Variants in PLCH2 observed in about 807,000 individuals in gnomAD.
The protein encoded by PLCH2 is phospholipase C eta 2, also known as 1-phosphatidylinositol 4,5-bisphosphate phosphodiesterase eta-2.
PLCH2 carries 98 observed loss-of-function variants against 134.7 expected under a neutral mutation model. The ratio of observed to expected loss-of-function variants is 0.73; its 90% CI spans 0.62 to 0.86. PLCH2 has a LOEUF of 0.86. Among genes scored for constraint, PLCH2 ranks in the 40% least tolerant of loss-of-function variants. PLCH2 has a pLI of 0.00. For synonymous variants in PLCH2, 974 were observed against 827.5 expected (o/e 1.18, Z -3.04); for missense variants, 1,994 against 1,986.6 (o/e 1.00, Z -0.07).
At chr1:2,452,130 C>T (rs749431195) in intron 2 of PLCH2, among the ~76,000 whole-genome samples, 4 of 152,166 alleles carry the variant, frequency 2.6e-5, no homozygotes, top group Non-Finnish European at 4.4e-5. Flanking sequence ...GCCCCCACTG[C>T]ATTGCTGAGC....
chr1:2,440,719 G>A (rs2100524502), intron 2 of PLCH2, among the ~76,000 whole-genome samples: 1 of 152,138 alleles, frequency 6.6e-6, no homozygotes, highest in Middle Eastern at 3.4e-3. Flanking sequence ...GATCTTGCAT[G>A]CTGCGACCAG....
At chr1:2,501,374 C>T (rs1643216902) in intron 20 of PLCH2, 1 of 152,284 alleles carries the variant, frequency 6.6e-6, no homozygotes, top group Non-Finnish European at 1.5e-5. Context: ...CTCCTGGGCC[C>T]AGCTGTCCAG....
the PLCH2 span, among the ~76,000 whole-genome samples, chr1:2,417,069 T>C: frequency 6.6e-6 from 1 of 152,134 alleles, no homozygotes; most frequent in Non-Finnish European, 1.5e-5. Flanking sequence ...AGAGAGGCCA[T>C]GCCTGGTCCA....
intron 2 of PLCH2, among the ~76,000 whole-genome samples, chr1:2,438,527 C>T (rs571606916): frequency 2.6e-5 from 4 of 152,186 alleles, no homozygotes; most frequent in Admixed American, 2.6e-4. Flanking sequence ...CGACCCTGGC[C>T]TCCATCAGAG....
intron 1 of PLCH2, among the ~76,000 whole-genome samples, chr1:2,427,267 C>T (rs1460777369): frequency 2.0e-5 from 3 of 151,978 alleles, no homozygotes; most frequent in Non-Finnish European, 4.4e-5. Context: ...GCCAGGAGGG[C>T]AGCTGGGGCA....
In PLCH2 at chr1:2,505,266, G is replaced by A. The variant is rs1186231903; in HGVS notation, c.*53G>A. On this transcript the variant is annotated 3_prime_UTR_variant, in exon 22 of 22. Coordinates refer to ENST00000378486, the MANE Select transcript of PLCH2 (RefSeq NM_014638.4). ...CTGGAGGCCCAGGGCAGGGGTGGGC[G>A]TGTTGTTTGCTCAGGAAACAGGGCA... 19 of 1,403,358 alleles carry A rather than the reference G, an allele frequency of 1.4e-5. No homozygotes were observed. The highest frequency in any genetic ancestry group is 1.2e-4 in the East Asian group (5 of 40,152). 86.9% of individuals were successfully genotyped at this position (1,403,358 alleles called of 1,614,324 possible). A position where few individuals can be genotyped will look rare whatever the true frequency, so the allele number is the denominator to read the frequency against.
chr1:2,442,363 G>T (rs1363793878), intron 2 of PLCH2, among the ~76,000 whole-genome samples: 1 of 152,188 alleles, frequency 6.6e-6, no homozygotes, highest in Non-Finnish European at 1.5e-5. Context: ...GGTGGGCAGG[G>T]TCTGCTTTGG....
At chr1:2,499,573 G>C in intron 19 of PLCH2, 68 bp from the exon 20 acceptor site, 10 of 1,189,956 alleles carry the variant, frequency 8.4e-6, no homozygotes, top group Non-Finnish European at 1.2e-5. Flanking sequence ...AAGTAGAATG[G>C]GGGGCAGAGC....
chr1:2,490,704 G>A (rs1370470425), intron 10 of PLCH2, among the ~76,000 whole-genome samples: 1 of 152,254 alleles, frequency 6.6e-6, no homozygotes, highest in Non-Finnish European at 1.5e-5. Context: ...CAGCTCCACG[G>A]TGCTCCTGGC....
At chr1:2,500,145 C>T (rs565764326) in intron 20 of PLCH2, 12 of 206,650 alleles carry the variant, frequency 5.8e-5, no homozygotes, top group Middle Eastern at 1.8e-3. Flanking sequence ...GGCAGCTGCC[C>T]GGGTTTGCCT....
chr1:2,431,019 G>A (rs1190253192), intron 2 of PLCH2, among the ~76,000 whole-genome samples: 1 of 152,222 alleles, frequency 6.6e-6, no homozygotes, highest in African/African-American at 2.4e-5. Flanking sequence ...GCCTCCCGAT[G>A]TGGCGGACAG....
At chr1:2,463,843 G>A (rs773140795), upstream of PLCH2, among the ~76,000 whole-genome samples, 1 of 152,244 alleles carries the variant, frequency 6.6e-6, no homozygotes, top group Non-Finnish European at 1.5e-5. Context: ...GAGAACTGCT[G>A]GTCCTCCCTG....
chr1:2,456,028 G>A lies in PLCH2; in HGVS notation c.116-22448G>A, dbSNP rs754544624. Among the ~76,000 whole-genome samples the A allele has an allele frequency of 8.1e-4, 124 of 152,358 alleles. 1 individual carries two copies. The highest frequency in any genetic ancestry group is 6.5e-4 in the Non-Finnish European group (44 of 68,034). ...AAGTGGTGCACTGTGGGTTATTTTG[G>A]GCTTGGCAATATTGCAATTATTAGA... is the stretch of plus-strand genomic sequence containing the variant. On this transcript the variant is annotated intron_variant, in intron 2 of 3. Coordinates refer to the PLCH2 transcript ENST00000609981.
chr1:2,476,642 GCTGGCGGAGGTACT>G lies in PLCH2; in HGVS notation c.56_69del (p.Leu19ProfsTer78). On this transcript the variant is annotated frameshift_variant, in exon 1 of 22. Transcript: ENST00000378486. LOFTEE classifies it high-confidence loss of function. ...GCCGGACCAAGGGAACGGTGGCCTG[GCTGGCGGAGGTACT>G]CCTCTGGGTTGGAGGGAGTGTGGTG... is the stretch of plus-strand genomic sequence containing the variant. 1.2e-6 allele frequency: 2 copies of G among 1,606,822 alleles called. No individual in the cohort carries two copies. Among genetic ancestry groups the G allele is most frequent in the Non-Finnish European group, 1.7e-6 (2 of 1,177,866 alleles).
intron 2 of PLCH2, among the ~76,000 whole-genome samples, chr1:2,435,821 G>T (rs974063990): frequency 1.4e-5 from 1 of 72,468 alleles, no homozygotes; most frequent in South Asian, 4.7e-4. Flanking sequence ...CCCCACACCT[G>T]GGGGGCTCAG....
chr1:2,457,880 A>G (rs1391828266), intron 2 of PLCH2, among the ~76,000 whole-genome samples: 3 of 86,394 alleles, frequency 3.5e-5, no homozygotes, highest in African/African-American at 2.0e-4. Flanking sequence ...TTTAGACCTG[A>G]AAAAAAAAAA....
intron 19 of PLCH2, 97 bp downstream of exon 19, chr1:2,499,327 G>A: frequency 2.9e-6 from 4 of 1,372,488 alleles, no homozygotes; most frequent in South Asian, 2.6e-5. Context: ...GTGTAGGTGG[G>A]CCTGCACCTG....
chr1:2,473,817 G>T (rs368820128), upstream of PLCH2, among the ~76,000 whole-genome samples: 4 of 152,210 alleles, frequency 2.6e-5, no homozygotes, highest in East Asian at 7.7e-4. Flanking sequence ...TCTCCCCGAC[G>T]GAGCCTATAT....
chr1:2,426,565 C>T (rs12118844), intron 1 of PLCH2, among the ~76,000 whole-genome samples: 1 of 152,256 alleles, frequency 6.6e-6, no homozygotes, highest in African/African-American at 2.4e-5. Context: ...CCACGCTGAC[C>T]TAGGGCTGGC....
Sources: gnomAD v4.1 joint callset for allele counts (sites outside exome capture counted in the v4.1 genomes callset) on GRCh38, gnomAD v4.1.1 for gene constraint, MANE v1.5 for transcripts, NCBI Gene and HGNC (gene_info 2026-07-23, HGNC 2026-07-21) for gene names.